Variants in RAP1A observed in about 807,000 individuals in gnomAD.
RAP1A encodes ras-related protein Rap-1A.
A neutral mutation model predicts 26.4 loss-of-function variants in RAP1A; 6 were observed. The observed-to-expected ratio is 0.23, with a 90% confidence interval of 0.12 to 0.45. RAP1A has a LOEUF of 0.45. Ranked by LOEUF, RAP1A falls within the 20% of genes least tolerant of loss-of-function variation. The pLI, the probability that RAP1A is intolerant of heterozygous loss-of-function variation, is 0.99. For missense variants in RAP1A, 121 were observed against 217.2 expected (o/e 0.56, Z 2.78); for synonymous variants, 73 against 79.4 (o/e 0.92, Z 0.43).
intron 7 of RAP1A, among the ~76,000 whole-genome samples, chr1:111,711,862 A>G (rs1237536737): frequency 1.3e-5 from 2 of 152,102 alleles, no homozygotes; most frequent in Non-Finnish European, 2.9e-5. Flanking sequence ...CATCATGTGG[A>G]TTATTTTACC....
intron 6 of RAP1A, among the ~76,000 whole-genome samples, chr1:111,708,680 G>C (rs1338871221): frequency 3.9e-5 from 6 of 152,196 alleles, no homozygotes; most frequent in African/African-American, 1.2e-4. Flanking sequence ...TTATGTAAGA[G>C]AATATCCTTG....
intron 1 of RAP1A, among the ~76,000 whole-genome samples, chr1:111,597,457 A>G (rs1167049430): frequency 6.6e-6 from 1 of 152,220 alleles, no homozygotes; most frequent in Admixed American, 6.5e-5. Flanking sequence ...GTAATCCTAC[A>G]TATCCCAAAT....
chr1:111,637,557 GA>G (rs1266231465), intron 1 of RAP1A, among the ~76,000 whole-genome samples: 1 of 152,134 alleles, frequency 6.6e-6, no homozygotes, highest in Non-Finnish European at 1.5e-5. Flanking sequence ...TAAGCCAAAA[GA>G]AAAATCACCT....
At chr1:111,679,344 C>T (rs113797445) in intron 1 of RAP1A, among the ~76,000 whole-genome samples, 7 of 152,232 alleles carry the variant, frequency 4.6e-5, no homozygotes, top group Non-Finnish European at 7.4e-5. Context: ...CCATGAGGAA[C>T]GGTGCTATTC....
intron 1 of RAP1A, among the ~76,000 whole-genome samples, chr1:111,658,356 G>GTAAA (rs1220081726): frequency 1.3e-5 from 2 of 152,004 alleles, no homozygotes; most frequent in Non-Finnish European, 2.9e-5. Flanking sequence ...AAATAATTAA[G>GTAAA]TAAATAAATA....
intron 1 of RAP1A, among the ~76,000 whole-genome samples, chr1:111,621,181 C>T (rs1330388412): frequency 6.6e-6 from 1 of 152,106 alleles, no homozygotes. Context: ...CTTGGGGCTC[C>T]TACCTTCAAA....
chr1:111,613,650 C>T (rs1658965516), intron 1 of RAP1A, among the ~76,000 whole-genome samples: 1 of 152,190 alleles, frequency 6.6e-6, no homozygotes, highest in South Asian at 2.1e-4. Context: ...ATGTAACCAA[C>T]CATAAGACTT....
At chr1:111,641,120 C>T (rs1280182911) in intron 1 of RAP1A, among the ~76,000 whole-genome samples, 1 of 152,148 alleles carries the variant, frequency 6.6e-6, no homozygotes, top group East Asian at 1.9e-4. Context: ...CCTGTAAAAA[C>T]ATGCATATGT....
chr1:111,700,123 C>G (rs1398356243), intron 4 of RAP1A, among the ~76,000 whole-genome samples: 1 of 152,200 alleles, frequency 6.6e-6, no homozygotes, highest in Non-Finnish European at 1.5e-5. Flanking sequence ...TTGCACTTCT[C>G]TTTCCTAACA....
chr1:111,661,246 A>G (rs1660626769), intron 1 of RAP1A, among the ~76,000 whole-genome samples: 3 of 152,252 alleles, frequency 2.0e-5, no homozygotes, highest in Admixed American at 1.3e-4. Context: ...AACTGGAGGG[A>G]TTCGGAGGAG....
intron 1 of RAP1A, among the ~76,000 whole-genome samples, chr1:111,549,426 A>G (rs1031528111): frequency 1.3e-5 from 2 of 150,408 alleles, no homozygotes; most frequent in African/African-American, 4.9e-5. Context: ...AGGCAGGTGG[A>G]TCACCTGAGG....
At position 111,715,861 on chromosome 1, in the gene RAP1A, GC is replaced by G. The variant is rs1662526766; in HGVS notation, c.*3464del. On this transcript the variant is annotated 3_prime_UTR_variant, in exon 8 of 8. Coordinates refer to ENST00000369709, the MANE Select transcript of RAP1A (RefSeq NM_002884.4). ...GGACATGGCCAGTTTAAAATATTTT[GC>G]CCCATTACCCTTGTAGATACACATG... 1 of 152,124 alleles carries G rather than the reference GC, an allele frequency of 6.6e-6. No individual in the cohort carries two copies. The highest frequency in any genetic ancestry group is 1.5e-5 in the Non-Finnish European group (1 of 68,002). 9.4% of individuals were successfully genotyped at this position (152,124 alleles called of 1,614,324 possible).
intron 1 of RAP1A, among the ~76,000 whole-genome samples, chr1:111,639,362 T>TA (rs1659826247): frequency 6.8e-6 from 1 of 146,150 alleles, no homozygotes; most frequent in Non-Finnish European, 1.5e-5. Flanking sequence ...TGGCTGGATT[T>TA]ATGTAGGTTT....
rs1660915143 is a variant in RAP1A at position 111,669,658 on chromosome 1, C to G, written c.-27-21676C>G. The stretch of plus-strand genomic sequence containing the variant: ...TATTAACAGCAGCCAGTGTCTACAT[C>G]TTAACTAATCCAAGAAGAGCATGAA... On this transcript the variant is annotated intron_variant, in intron 1 of 7. Transcript: ENST00000369709. Among the ~76,000 whole-genome samples the G allele has an allele frequency of 2.0e-5, 3 of 152,210 alleles. No individual in the cohort carries two copies. In the South Asian group the frequency reaches 6.2e-4, roughly 31 times the overall value.
At chr1:111,691,301 T>A in intron 1 of RAP1A, 33 bp from the exon 2 acceptor site, 1 of 1,488,896 alleles carries the variant, frequency 6.7e-7, no homozygotes, top group East Asian at 2.3e-5. Context: ...TTAGCATGTT[T>A]CTTAATCTTT....
At chr1:111,549,022 A>G (rs1657145089) in intron 1 of RAP1A, among the ~76,000 whole-genome samples, 1 of 152,228 alleles carries the variant, frequency 6.6e-6, no homozygotes, top group Admixed American at 6.5e-5. Flanking sequence ...TGTGTTTTCC[A>G]TGAACTTTTG....
chr1:111,675,527 C>G (rs1056211395), intron 1 of RAP1A, among the ~76,000 whole-genome samples: 1 of 152,118 alleles, frequency 6.6e-6, no homozygotes, highest in African/African-American at 2.4e-5. Context: ...CCATCCTTCC[C>G]TAGCCCATTA....
chr1:111,681,508 G>A (rs1186894148), intron 1 of RAP1A, among the ~76,000 whole-genome samples: 1 of 152,192 alleles, frequency 6.6e-6, no homozygotes, highest in Non-Finnish European at 1.5e-5. Context: ...GAACATAAAT[G>A]ACCTGATGGA....
rs1168080021 is a variant in RAP1A, at chr1:111,562,929, T to C, written c.-28+20420T>C. ...ATTGCCAAAAAGATACATTGATTAG[T>C]CTCTTACTATGTACCAGGTACTGGG... On this transcript the variant is annotated intron_variant, in intron 1 of 7. Coordinates refer to the RAP1A transcript ENST00000356415. 2.6e-5 allele frequency among the ~76,000 whole-genome samples: 4 copies of C among 152,374 alleles called. No individual in the cohort carries two copies. The East Asian group carries it at 7.7e-4, about 29-fold the overall frequency.
Sources: gnomAD v4.1 joint callset for allele counts (sites outside exome capture counted in the v4.1 genomes callset) on GRCh38, gnomAD v4.1.1 for gene constraint, MANE v1.5 for transcripts, NCBI Gene and HGNC (gene_info 2026-07-23, HGNC 2026-07-21) for gene names.